Variants in TENT5C observed in about 807,000 individuals in gnomAD.
TENT5C encodes the protein terminal nucleotidyltransferase 5C.
A neutral mutation model predicts 22.2 loss-of-function variants in TENT5C; 5 were observed. The observed-to-expected ratio is 0.22, with a 90% CI of 0.12 to 0.47. The LOEUF is 0.47. TENT5C is among the 20% of genes least tolerant of loss of function. The pLI, the probability that TENT5C is intolerant of heterozygous loss-of-function variation, is 0.99. For missense variants in TENT5C, 364 were observed against 500.9 expected, an observed-to-expected ratio of 0.73 and a Z score of 2.61; for synonymous variants, 199 against 195.4, an observed-to-expected ratio of 1.02 and a Z score of -0.15.
rs1653976262 is a variant in TENT5C at position 117,624,870 on chromosome 1, A to G, written c.*826A>G. On this transcript the variant is annotated 3_prime_UTR_variant, in exon 2 of 2. Coordinates refer to ENST00000369448, the MANE Select transcript of TENT5C (RefSeq NM_017709.4). ...GAATGTTCATTTTTTTCTTTAAAGA[A>G]TTCTTATTAAATGGCTCCCTGCCTT... The G allele has an allele frequency of 4.0e-6, 1 of 247,796 alleles. No individual in the cohort carries two copies. Among genetic ancestry groups the G allele is most frequent in the East Asian group, 6.0e-5 (1 of 16,572 alleles). The allele number at this position is 247,796 out of a possible 1,614,324, so 15.3% of individuals were successfully genotyped here. A position where few individuals can be genotyped will look rare whatever the true frequency, so the allele number is the denominator to read the frequency against.
chr1:117,608,213 A>G (rs1306347105), intron 1 of TENT5C, among the ~76,000 whole-genome samples: 2 of 152,172 alleles, frequency 1.3e-5, no homozygotes, highest in East Asian at 3.8e-4. Context: ...CACAATACCT[A>G]CCTTGTATCC....
At chr1:117,609,521 G>A (rs910906791) in intron 1 of TENT5C, among the ~76,000 whole-genome samples, 4 of 152,012 alleles carry the variant, frequency 2.6e-5, no homozygotes, top group Non-Finnish European at 4.4e-5. Flanking sequence ...TTATTTCTTG[G>A]AGAACCGTGA....
At chr1:117,612,346 TC>T (rs1303324943) in intron 1 of TENT5C, among the ~76,000 whole-genome samples, 1 of 113,336 alleles carries the variant, frequency 8.8e-6, no homozygotes, top group Admixed American at 9.8e-5. Flanking sequence ...CGGTGCTCAT[TC>T]TTTTTTTTTT....
At chr1:117,606,797 T>C (rs114999795) in intron 1 of TENT5C, among the ~76,000 whole-genome samples, 7 of 152,146 alleles carry the variant, frequency 4.6e-5, no homozygotes, top group African/African-American at 1.7e-4. Flanking sequence ...TCCTTAAATT[T>C]AATGCGCTCA....
chr1:117,617,383 C>CTT (rs10633030), intron 1 of TENT5C, among the ~76,000 whole-genome samples: 137 of 144,548 alleles, frequency 9.5e-4, no homozygotes, highest in Admixed American at 1.4e-3. Context: ...CTGCAAACCT[C>CTT]TTTTTTTTTT....
At chr1:117,614,312 GC>G (rs1392928921) in intron 1 of TENT5C, among the ~76,000 whole-genome samples, 2 of 152,156 alleles carry the variant, frequency 1.3e-5, no homozygotes, top group African/African-American at 4.8e-5. Context: ...TCTCGTTTCT[GC>G]CCGGTTATCT....
chr1:117,611,632 G>C (rs938752134), intron 1 of TENT5C, among the ~76,000 whole-genome samples: 1 of 152,154 alleles, frequency 6.6e-6, no homozygotes, highest in Non-Finnish European at 1.5e-5. Context: ...CTTGAGTCCA[G>C]GAGTTCCAGA....
At position 117,625,612 on chromosome 1, in the gene TENT5C, CT is replaced by C. The variant is rs909120326; in HGVS notation, c.*1576del. 8.1e-6 allele frequency: 2 copies of C among 245,974 alleles called. No homozygotes were observed. Among genetic ancestry groups the C allele is most frequent in the African/African-American group, 2.2e-5 (1 of 45,172 alleles). The allele number at this position is 245,974 out of a possible 1,614,324, so 15.2% of individuals were successfully genotyped here. On this transcript the variant is annotated 3_prime_UTR_variant, in exon 2 of 2. Transcript: ENST00000369448. The stretch of plus-strand genomic sequence containing the variant: ...ATTTAATCAAATTCATGCTCCTGAT[CT>C]TTTTTTTCCCCCTTCCTTTGGCTAT...
At chr1:117,622,643 G>C (rs1473156053) in intron 1 of TENT5C, among the ~76,000 whole-genome samples, 199 bp from the exon 2 acceptor site, 1 of 152,210 alleles carries the variant, frequency 6.6e-6, no homozygotes, top group South Asian at 2.1e-4. Flanking sequence ...GAATGAGTTT[G>C]TGTGTTTTTG....
intron 1 of TENT5C, among the ~76,000 whole-genome samples, chr1:117,606,414 A>G (rs564834915): frequency 1.3e-5 from 2 of 152,282 alleles, no homozygotes; most frequent in East Asian, 1.9e-4. Flanking sequence ...AAAGGGAGCT[A>G]CAACTTTCCA....
chr1:117,610,793 C>G (rs1570856191), intron 1 of TENT5C, among the ~76,000 whole-genome samples: 1 of 152,362 alleles, frequency 6.6e-6, no homozygotes, highest in East Asian at 1.9e-4. Context: ...TCTCAAAATG[C>G]TGGGATTACA....
At chr1:117,621,021 C>T (rs546388325) in intron 1 of TENT5C, among the ~76,000 whole-genome samples, 1 of 152,130 alleles carries the variant, frequency 6.6e-6, no homozygotes, top group Non-Finnish European at 1.5e-5. Context: ...ACTCTACTAT[C>T]CCAAATCTGC....
intron 1 of TENT5C, among the ~76,000 whole-genome samples, chr1:117,612,404 G>A (rs1395376545): frequency 6.6e-6 from 1 of 151,034 alleles, no homozygotes; most frequent in Non-Finnish European, 1.5e-5. Flanking sequence ...AGAATTTCAA[G>A]GAACTGCTGA....
intron 1 of TENT5C, among the ~76,000 whole-genome samples, chr1:117,613,147 C>T (rs984147311): frequency 6.6e-6 from 1 of 152,164 alleles, no homozygotes; most frequent in Non-Finnish European, 1.5e-5. Flanking sequence ...TAGAAAGAAG[C>T]AGTTGATGGT....
rs1359326657 is a variant in TENT5C, at chr1:117,623,352, G to A, written c.484G>A (p.Gly162Arg). The change falls in exon 2 of 2, where the codon GGG becomes AGG. Residue 162 changes from glycine (G) to arginine (R), a missense_variant. Gly to Arg is a moderately radical substitution (Grantham distance 125, BLOSUM62 -2). Around this residue, in one of 3 missense-constraint regions of TENT5C, gnomAD observed 303 missense variants for 394.5 expected, o/e 0.77. Coordinates refer to ENST00000369448, the MANE Select transcript of TENT5C (RefSeq NM_017709.4). ...CCTGATCTCCCTCTCCAACAAGAAC[G>A]GGAAGAACGTGGAGCTGAAGTTTGT... ...WSLISLSNKNGKNVELKFVDS... is the reference protein window; with the variant it reads ...WSLISLSNKNRKNVELKFVDS... 2.5e-6 allele frequency: 4 copies of A among 1,614,018 alleles called. No individual in the cohort carries two copies. The highest frequency in any genetic ancestry group is 1.3e-5 in the African/African-American group (1 of 74,908).
rs776815857 is a variant in TENT5C, at chr1:117,623,072, C to T, written c.204C>T (p.Asp68=). 31 of 1,614,212 alleles carry T rather than the reference C, an allele frequency of 1.9e-5. No individual in the cohort carries two copies. The highest frequency in any genetic ancestry group is 2.5e-5 in the Non-Finnish European group (30 of 1,180,038). Residue 68 remains aspartate (D), a synonymous_variant, in exon 2 of 2, where the codon GAC becomes GAT. Coordinates refer to ENST00000369448, the MANE Select transcript of TENT5C (RefSeq NM_017709.4). ...AGGAGGCAGGCATCAAAGTGCACGA[C>T]GTCCGGCTGAATGGCTCCGCAGCTG... ...RLEEAGIKVH[D]VRLNGSAAGH...
rs998227865 is a variant in TENT5C at position 117,626,959 on chromosome 1, C to G, written c.*2915C>G. The G allele has an allele frequency of 4.0e-6, 1 of 248,136 alleles. No homozygotes were observed. Among genetic ancestry groups the G allele is most frequent in the Non-Finnish European group, 8.5e-6 (1 of 118,120 alleles). The allele number at this position is 248,136 out of a possible 1,614,324, so 15.4% of individuals were successfully genotyped here. A position where few individuals can be genotyped will look rare whatever the true frequency, so the allele number is the denominator to read the frequency against. On this transcript the variant is annotated 3_prime_UTR_variant, in exon 2 of 2. Transcript: ENST00000369448. ...GAATAGCACGCACTAGATGCCTGAC[C>G]TTGAGCTCTAGTCTCCCCTTTAAAT...
intron 1 of TENT5C, among the ~76,000 whole-genome samples, chr1:117,615,946 T>C (rs1018576012): frequency 3.3e-5 from 5 of 152,230 alleles, no homozygotes; most frequent in African/African-American, 1.2e-4. Flanking sequence ...TCCTTTTTTG[T>C]TAGGACCAAT....
In TENT5C at chr1:117,623,163, C is replaced by G; in HGVS notation, c.295C>G (p.Leu99Val). Residue 99 changes from leucine to valine, a missense_variant, in exon 2 of 2, where the codon CTT becomes GTT. This residue lies in a region of TENT5C where 303 missense variants were observed against 394.5 expected (regional missense o/e 0.77). Transcript: ENST00000369448. ...CCTGGACCTAATCTTCCATGTGGCTCTTCCAACAGAGGCAGAATTTCAGCT... is the reference window on the plus strand; with the variant it reads ...CCTGGACCTAATCTTCCATGTGGCTGTTCCAACAGAGGCAGAATTTCAGCT... ...KDLDLIFHVA[L>V]PTEAEFQLVR... 8 of 1,614,186 alleles carry G rather than the reference C, an allele frequency of 5.0e-6. No individual in the cohort carries two copies. Among genetic ancestry groups the G allele is most frequent in the Non-Finnish European group, 6.8e-6 (8 of 1,180,042 alleles).
Sources: allele counts gnomAD v4.1 joint callset (sites outside exome capture counted in the v4.1 genomes callset), GRCh38; gene constraint gnomAD v4.1.1; regional missense constraint gnomAD v4.1.1; transcripts MANE v1.5; gene names NCBI Gene and HGNC (gene_info 2026-07-23, HGNC 2026-07-21).